The following LARGE1 variants were observed in gnomAD, a reference collection of about 807,000 sequenced individuals.
LARGE1 encodes xylosyl- and glucuronyltransferase LARGE1.
In LARGE1, 43 loss-of-function variants were observed where a neutral mutation model predicts 87.6. That is an observed-to-expected ratio of 0.49 (90% CI 0.38 to 0.63). The LOEUF is 0.63. Ranked by LOEUF, LARGE1 falls within the 30% of genes least tolerant of loss-of-function variation. The pLI, the probability that LARGE1 is intolerant of heterozygous loss-of-function variation, is 0.00. For missense variants in LARGE1, 802 were observed against 1,000.2 expected (o/e 0.80, Z 2.67); for synonymous variants, 434 against 394.6 (o/e 1.10, Z -1.18).
At chr22:33,312,393 T>C (rs890705871) in intron 11 of LARGE1, among the ~76,000 whole-genome samples, 10 of 149,484 alleles carry the variant, frequency 6.7e-5, no homozygotes, top group South Asian at 2.1e-4. Flanking sequence ...TGAGCCGAGA[T>C]TGCAACACTG....
chr22:33,249,572 C>T (rs1602146820), intron 11 of LARGE1, among the ~76,000 whole-genome samples: 2 of 152,260 alleles, frequency 1.3e-5, no homozygotes, highest in African/African-American at 2.4e-5. Context: ...GTTATTTCTT[C>T]CACAGATCGT....
chr22:33,163,893 A>G (rs1292859978), exon 12 of LARGE1: 1 of 152,262 alleles, frequency 6.6e-6, no homozygotes, highest in Non-Finnish European at 1.5e-5. Flanking sequence ...GTGGGCTATC[A>G]GTGCCAAATC....
the LARGE1 span, among the ~76,000 whole-genome samples, chr22:33,150,811 C>A: frequency 6.6e-6 from 1 of 152,130 alleles, no homozygotes; most frequent in Non-Finnish European, 1.5e-5. Flanking sequence ...GATGTGTGAG[C>A]ATATCTCTTT....
intron 11 of LARGE1, among the ~76,000 whole-genome samples, chr22:33,171,521 C>T (rs1427896205): frequency 2.6e-5 from 4 of 152,322 alleles, no homozygotes; most frequent in South Asian, 2.1e-4. Context: ...CCCAGGGCCC[C>T]ACTGCTCTGT....
chr22:33,162,335 G>C (rs1922058282), exon 12 of LARGE1: 1 of 152,212 alleles, frequency 6.6e-6, no homozygotes, highest in African/African-American at 2.4e-5. Flanking sequence ...CAGCAGGAGA[G>C]AAAAGTGCTG....
intron 2 of LARGE1, among the ~76,000 whole-genome samples, chr22:33,666,140 G>A (rs1281092417): frequency 6.6e-6 from 1 of 152,204 alleles, no homozygotes; most frequent in African/African-American, 2.4e-5. Context: ...AGAAGCAGCA[G>A]CCTTGTTTCA....
intron 1 of LARGE1, among the ~76,000 whole-genome samples, chr22:33,832,147 C>T (rs767089459): frequency 1.4e-4 from 21 of 152,168 alleles, no homozygotes; most frequent in Non-Finnish European, 2.8e-4. Flanking sequence ...TACTGGAGTA[C>T]CTTCAGCATG....
chr22:33,502,985 T>C (rs779750388), intron 6 of LARGE1, among the ~76,000 whole-genome samples: 3 of 152,276 alleles, frequency 2.0e-5, no homozygotes, highest in Non-Finnish European at 4.4e-5. Context: ...AAAGAAAGAA[T>C]AGCTGAAAAA....
At chr22:33,789,403 T>A (rs575817380) in intron 1 of LARGE1, among the ~76,000 whole-genome samples, 1 of 152,294 alleles carries the variant, frequency 6.6e-6, no homozygotes, top group Non-Finnish European at 1.5e-5. Context: ...ATAGAGAACC[T>A]CTGCTAGGAC....
intron 7 of LARGE1, among the ~76,000 whole-genome samples, chr22:33,428,145 C>A (rs185678146): frequency 3.3e-5 from 5 of 152,120 alleles, no homozygotes; most frequent in African/African-American, 4.8e-5. Context: ...AATCACATAA[C>A]CTCCTTTTTC....
At chr22:33,644,280 C>G (rs1201591582) in intron 3 of LARGE1, among the ~76,000 whole-genome samples, 2 of 152,120 alleles carry the variant, frequency 1.3e-5, no homozygotes, top group African/African-American at 4.8e-5. Flanking sequence ...TAAATGTAAT[C>G]CATTACATAA....
At chr22:33,331,326 C>T (rs905088204) in intron 10 of LARGE1, among the ~76,000 whole-genome samples, 1 of 152,076 alleles carries the variant, frequency 6.6e-6, no homozygotes, top group Non-Finnish European at 1.5e-5. Flanking sequence ...TTATCAATTT[C>T]CCAGTGAAAA....
intron 7 of LARGE1, among the ~76,000 whole-genome samples, chr22:33,430,907 C>T (rs2067056596): frequency 6.7e-6 from 1 of 148,990 alleles, no homozygotes; most frequent in Non-Finnish European, 1.5e-5. Context: ...GATCCCACTA[C>T]AGACTGGCCT....
upstream of LARGE1, among the ~76,000 whole-genome samples, chr22:33,921,308 C>T (rs369327782): frequency 3.3e-5 from 5 of 152,324 alleles, no homozygotes; most frequent in East Asian, 7.8e-4. The surrounding 1 kb of genome is among the most constrained non-coding windows in gnomAD (Gnocchi z 4.1). Flanking sequence ...TGGGAGCTCC[C>T]CGCCCTTCTT....
At chr22:33,329,450 G>A (rs1937512029) in intron 10 of LARGE1, among the ~76,000 whole-genome samples, 1 of 151,800 alleles carries the variant, frequency 6.6e-6, no homozygotes, top group South Asian at 2.1e-4. Context: ...GGGGAAGGGG[G>A]CGTTGGCTGC....
chr22:33,765,088 T>C (rs1174131973), intron 1 of LARGE1, among the ~76,000 whole-genome samples: 1 of 152,240 alleles, frequency 6.6e-6, no homozygotes, highest in Admixed American at 6.5e-5. Flanking sequence ...TTTTTTTGCA[T>C]ATAGCTGCTT....
intron 5 of LARGE1, among the ~76,000 whole-genome samples, chr22:33,571,100 T>A (rs1444060474): frequency 6.6e-6 from 1 of 152,266 alleles, no homozygotes; most frequent in Non-Finnish European, 1.5e-5. Context: ...ATCATTATCC[T>A]TGCAATGGCT....
At chr22:33,616,801 A>G (rs145870491) in intron 4 of LARGE1, among the ~76,000 whole-genome samples, 1 of 152,290 alleles carries the variant, frequency 6.6e-6, no homozygotes, top group African/African-American at 2.4e-5. Flanking sequence ...AGTGGTTGGT[A>G]TGGGATGGGA....
intron 7 of LARGE1, among the ~76,000 whole-genome samples, chr22:33,417,491 T>C (rs1267663394): frequency 6.6e-6 from 1 of 152,230 alleles, no homozygotes; most frequent in Non-Finnish European, 1.5e-5. Context: ...AAGATCTTAC[T>C]CTCATGGAAC....
Sources: gnomAD v4.1 joint callset for allele counts (sites outside exome capture counted in the v4.1 genomes callset) on GRCh38, gnomAD v4.1.1 for gene constraint, Gnocchi (gnomAD v3.1) non-coding constraint, MANE v1.5 for transcripts, NCBI Gene and HGNC (gene_info 2026-07-23, HGNC 2026-07-21) for gene names.